Variants in GABRB1 observed in about 807,000 individuals in gnomAD.
GABRB1 encodes gamma-aminobutyric acid receptor subunit beta-1.
Under a neutral mutation model 51.6 loss-of-function variants are expected in GABRB1, and 17 were observed. The ratio of observed to expected loss-of-function variants is 0.33; its 90% CI spans 0.23 to 0.49. GABRB1 has a LOEUF of 0.49. Among genes scored for constraint, GABRB1 ranks in the 20% least tolerant of loss-of-function variants. The probability of loss-of-function intolerance (pLI) is 0.99; values close to 1 mark genes in which losing one functional copy is unlikely to be tolerated. For synonymous variants in GABRB1, 247 were observed against 218.9 expected (o/e 1.13, Z -1.14); for missense variants, 410 against 600.6 (o/e 0.68, Z 3.32).
At chr4:47,037,257 C>T (rs931459365) in intron 3 of GABRB1, among the ~76,000 whole-genome samples, 1 of 152,166 alleles carries the variant, frequency 6.6e-6, no homozygotes, top group Non-Finnish European at 1.5e-5. Flanking sequence ...CTAGCAATAA[C>T]TTTGTAAAAT....
At chr4:47,020,020 A>G (rs549449829) in intron 1 of GABRB1, among the ~76,000 whole-genome samples, 31 of 151,836 alleles carry the variant, frequency 2.0e-4, no homozygotes, top group Admixed American at 5.3e-4. Context: ...TCTTGGACTC[A>G]AGCAATCTAC....
chr4:46,998,921 G>C (rs931899845), intron 1 of GABRB1, among the ~76,000 whole-genome samples: 1 of 151,986 alleles, frequency 6.6e-6, no homozygotes, highest in African/African-American at 2.4e-5. Context: ...ACTCCAAAGA[G>C]CAGTGATTGT....
chr4:47,137,195 A>G (rs189732648), intron 3 of GABRB1, among the ~76,000 whole-genome samples: 8 of 152,236 alleles, frequency 5.3e-5, no homozygotes, highest in East Asian at 1.9e-4. Flanking sequence ...GGTATCAGGA[A>G]ATGCAGTTGA....
At chr4:47,259,602 TAATGAGG>T (rs1441906992) in intron 4 of GABRB1, among the ~76,000 whole-genome samples, 1 of 152,180 alleles carries the variant, frequency 6.6e-6, no homozygotes, top group East Asian at 1.9e-4. Flanking sequence ...CAACAATTTG[TAATGAGG>T]AATGAGTAAG....
chr4:47,046,719 C>T (rs1726106486), intron 3 of GABRB1, among the ~76,000 whole-genome samples: 1 of 151,936 alleles, frequency 6.6e-6, no homozygotes, highest in Non-Finnish European at 1.5e-5. Context: ...GTAACAATAG[C>T]AAAGACATGG....
intron 5 of GABRB1, among the ~76,000 whole-genome samples, chr4:47,357,573 GA>G (rs1726633818): frequency 1.3e-5 from 2 of 152,158 alleles, no homozygotes; most frequent in Non-Finnish European, 2.9e-5. Context: ...TGTCAAATTG[GA>G]AGTTAGTGAT....
At chr4:47,195,890 G>A (rs1719663953) in intron 4 of GABRB1, among the ~76,000 whole-genome samples, 1 of 152,158 alleles carries the variant, frequency 6.6e-6, no homozygotes, top group Non-Finnish European at 1.5e-5. Flanking sequence ...GCCAAATTCT[G>A]CCAGTCTGAT....
At chr4:47,186,564 T>C (rs1466476925) in intron 4 of GABRB1, among the ~76,000 whole-genome samples, 2 of 151,894 alleles carry the variant, frequency 1.3e-5, no homozygotes, top group African/African-American at 2.4e-5. Context: ...CCAGGTATAA[T>C]GAAATTGTTC....
chr4:47,254,525 C>T (rs1722122948), intron 4 of GABRB1, among the ~76,000 whole-genome samples: 1 of 151,660 alleles, frequency 6.6e-6, no homozygotes, highest in Admixed American at 6.6e-5. Context: ...GCCACCATGC[C>T]CGGCTGATTT....
At chr4:47,245,645 A>C (rs1721709234) in intron 4 of GABRB1, among the ~76,000 whole-genome samples, 1 of 152,104 alleles carries the variant, frequency 6.6e-6, no homozygotes, top group Admixed American at 6.6e-5. Flanking sequence ...AGTGTGCTTG[A>C]AGAAAAGTAA....
At chr4:47,062,168 C>A (rs1179713699) in intron 3 of GABRB1, among the ~76,000 whole-genome samples, 1 of 152,054 alleles carries the variant, frequency 6.6e-6, no homozygotes, top group Non-Finnish European at 1.5e-5. Context: ...CACTTGTAAG[C>A]CATTTATACC....
In GABRB1 at chr4:47,186,180, A is replaced by G. The variant is rs185883521; in HGVS notation, c.461+24711A>G. On this transcript the variant is annotated intron_variant, in intron 4 of 8. Transcript: ENST00000295454. ...GAATTTCGATGAACATTTCCTAAAT[A>G]TACCTTCAGTTTCATAAAGTCAAGG... 5.0e-3 allele frequency among the ~76,000 whole-genome samples: 744 copies of G among 147,960 alleles called. 6 individuals carry two copies. Among genetic ancestry groups the G allele is most frequent in the Non-Finnish European group, 6.8e-3 (453 of 67,098 alleles).
intron 3 of GABRB1, among the ~76,000 whole-genome samples, chr4:47,049,015 A>G (rs979880505): frequency 1.3e-5 from 2 of 151,502 alleles, no homozygotes; most frequent in Non-Finnish European, 2.9e-5. Context: ...ACCTAGGGTT[A>G]CTGTCATAGA....
intron 4 of GABRB1, among the ~76,000 whole-genome samples, chr4:47,315,339 C>T (rs1043161440): frequency 6.6e-6 from 1 of 151,940 alleles, no homozygotes; most frequent in African/African-American, 2.4e-5. Flanking sequence ...GATACCATCT[C>T]ACACCAGTCA....
intron 4 of GABRB1, among the ~76,000 whole-genome samples, chr4:47,316,942 C>G (rs1409390292): frequency 6.6e-6 from 1 of 151,812 alleles, no homozygotes; most frequent in East Asian, 1.9e-4. Context: ...TATGTATGTG[C>G]CCATTAAAAT....
intron 3 of GABRB1, among the ~76,000 whole-genome samples, chr4:47,138,401 C>A (rs1216568666): frequency 1.3e-5 from 2 of 152,008 alleles, no homozygotes; most frequent in Non-Finnish European, 2.9e-5. Context: ...AAACCCTTTC[C>A]TTCAGTAATC....
chr4:47,332,042 A>G (rs1202779636), intron 5 of GABRB1, among the ~76,000 whole-genome samples: 4 of 152,228 alleles, frequency 2.6e-5, no homozygotes, highest in Admixed American at 2.0e-4. Flanking sequence ...GACAGGAAGC[A>G]AACACCTGAG....
intron 3 of GABRB1, among the ~76,000 whole-genome samples, chr4:47,065,555 G>T (rs1727040007): frequency 6.6e-6 from 1 of 152,240 alleles, no homozygotes; most frequent in South Asian, 2.1e-4. Flanking sequence ...AGATACTTCA[G>T]AATTGAATTC....
At chr4:47,254,035 T>C (rs1722086796) in intron 4 of GABRB1, among the ~76,000 whole-genome samples, 1 of 152,190 alleles carries the variant, frequency 6.6e-6, no homozygotes, top group Non-Finnish European at 1.5e-5. Context: ...ATGGGCATTG[T>C]ACTGACAATA....
Sources: gnomAD v4.1 joint callset for allele counts (sites outside exome capture counted in the v4.1 genomes callset) on GRCh38, gnomAD v4.1.1 for gene constraint, MANE v1.5 for transcripts, NCBI Gene and HGNC (gene_info 2026-07-23, HGNC 2026-07-21) for gene names.